Variants in LRRTM4 observed in about 807,000 individuals in gnomAD.
LRRTM4 encodes the protein leucine rich repeat transmembrane neuronal 4.
Under a neutral mutation model 47.6 loss-of-function variants are expected in LRRTM4, and 25 were observed. The observed-to-expected ratio is 0.53, with a 90% confidence interval of 0.38 to 0.73. The LOEUF (loss-of-function observed/expected upper bound fraction) is 0.73, where lower values mean the gene tolerates loss of function less well. Among genes scored for constraint, LRRTM4 ranks in the 30% least tolerant of loss-of-function variants. The probability of loss-of-function intolerance (pLI) is 0.00; values close to 1 mark genes in which losing one functional copy is unlikely to be tolerated. For synonymous variants in LRRTM4, 311 were observed against 269.5 expected (o/e 1.15, Z -1.51); for missense variants, 638 against 713.4 (o/e 0.89, Z 1.20).
chr2:77,199,232 C>G (rs368082366), intron 3 of LRRTM4, among the ~76,000 whole-genome samples: 3 of 152,184 alleles, frequency 2.0e-5, no homozygotes, highest in African/African-American at 7.2e-5. Flanking sequence ...GGAACCAACT[C>G]TTACTATGCA....
chr2:77,216,527 G>A (rs917167872), intron 3 of LRRTM4, among the ~76,000 whole-genome samples: 1 of 151,880 alleles, frequency 6.6e-6, no homozygotes, highest in African/African-American at 2.4e-5. Context: ...CCTGCTGACA[G>A]AGTGAGAATC....
chr2:76,835,610 T>C (rs951599931), intron 3 of LRRTM4, among the ~76,000 whole-genome samples: 31 of 152,080 alleles, frequency 2.0e-4, no homozygotes, highest in African/African-American at 7.0e-4. Flanking sequence ...TCAGAATTGG[T>C]CTCAAATTAT....
intron 3 of LRRTM4, among the ~76,000 whole-genome samples, chr2:77,087,123 G>C (rs1405007628): frequency 2.0e-5 from 3 of 152,182 alleles, no homozygotes; most frequent in Non-Finnish European, 4.4e-5. Context: ...CAAGAAGCTT[G>C]TTTGTTATGC....
At chr2:77,403,844 T>C (rs1329189349) in intron 3 of LRRTM4, among the ~76,000 whole-genome samples, 1 of 148,440 alleles carries the variant, frequency 6.7e-6, no homozygotes, top group Non-Finnish European at 1.5e-5. Flanking sequence ...GGCCATTATG[T>C]CTTTATTCCC....
At chr2:77,136,809 A>G (rs944218047) in intron 3 of LRRTM4, among the ~76,000 whole-genome samples, 7 of 151,968 alleles carry the variant, frequency 4.6e-5, no homozygotes, top group Non-Finnish European at 7.3e-5. Context: ...AAACAATGGC[A>G]CACGAACTAT....
At chr2:77,498,349 T>C (rs1678442485) in intron 3 of LRRTM4, among the ~76,000 whole-genome samples, 1 of 151,828 alleles carries the variant, frequency 6.6e-6, no homozygotes, top group Admixed American at 6.6e-5. Flanking sequence ...GAAGTGCCTC[T>C]GCCAGACTCC....
At chr2:77,491,709 A>AT (rs1678170192) in intron 3 of LRRTM4, among the ~76,000 whole-genome samples, 1 of 151,956 alleles carries the variant, frequency 6.6e-6, no homozygotes, top group African/African-American at 2.4e-5. Context: ...ACCAGAATAT[A>AT]TTTTTGAAGA....
In LRRTM4 at chr2:77,164,073, T is replaced by C. The variant is rs185621646; in HGVS notation, c.1551+354245A>G. ...CTGTATTCAGGAGACCCATCTCACA[T>C]GCAGAGACACACATAGGCTCAAAAT... is the stretch of plus-strand genomic sequence containing the variant. On this transcript the variant is annotated intron_variant, in intron 3 of 3. Coordinates refer to ENST00000409884, the MANE Select transcript of LRRTM4 (RefSeq NM_001134745.3). Among the ~76,000 whole-genome samples, 66 of 152,276 alleles carry C rather than the reference T, an allele frequency of 4.3e-4. 1 individual carries two copies. Among genetic ancestry groups the C allele is most frequent in the African/African-American group, 1.3e-3 (55 of 41,570 alleles).
chr2:77,050,500 G>C (rs1034774073), intron 3 of LRRTM4, among the ~76,000 whole-genome samples: 72 of 152,094 alleles, frequency 4.7e-4, no homozygotes, highest in African/African-American at 1.7e-3. Flanking sequence ...AGATCCACGT[G>C]TCAGAATACT....
chr2:77,418,696 T>C (rs1271007755), intron 3 of LRRTM4, among the ~76,000 whole-genome samples: 1 of 152,194 alleles, frequency 6.6e-6, no homozygotes, highest in African/African-American at 2.4e-5. Context: ...CCATAGCAGG[T>C]GCACTCCTGC....
At chr2:77,432,934 C>A (rs1269660667) in intron 3 of LRRTM4, among the ~76,000 whole-genome samples, 2 of 152,192 alleles carry the variant, frequency 1.3e-5, no homozygotes, top group Admixed American at 6.5e-5. Context: ...CTTTACAAGG[C>A]ATTCTCCAAA....
chr2:76,848,363 T>C (rs1338537413), intron 3 of LRRTM4, among the ~76,000 whole-genome samples: 17 of 152,094 alleles, frequency 1.1e-4, no homozygotes, highest in Non-Finnish European at 5.9e-5. Flanking sequence ...TAGTTCAACT[T>C]TGGCCTCTTC....
intron 3 of LRRTM4, among the ~76,000 whole-genome samples, chr2:77,073,409 T>C (rs1680227152): frequency 7.1e-6 from 1 of 140,178 alleles, no homozygotes; most frequent in Non-Finnish European, 1.5e-5. Context: ...TAATTATTAT[T>C]ATCTATTATA....
intron 3 of LRRTM4, among the ~76,000 whole-genome samples, chr2:77,294,920 G>T (rs148598548): frequency 6.6e-6 from 1 of 151,910 alleles, no homozygotes; most frequent in African/African-American, 2.4e-5. Context: ...CAGTATATAT[G>T]ATTTTTTCTG....
chr2:77,055,102 G>A (rs1467298641), intron 3 of LRRTM4, among the ~76,000 whole-genome samples: 1 of 152,084 alleles, frequency 6.6e-6, no homozygotes, highest in Non-Finnish European at 1.5e-5. Flanking sequence ...TACTGACTCC[G>A]CTACTTAGAG....
chr2:77,071,763 G>A (rs1489530150), intron 3 of LRRTM4, among the ~76,000 whole-genome samples: 1 of 152,170 alleles, frequency 6.6e-6, no homozygotes, highest in Admixed American at 6.6e-5. Flanking sequence ...ATGCTTCAGA[G>A]TTTTACAAGT....
chr2:76,818,380 A>G (rs1444188954), intron 3 of LRRTM4, among the ~76,000 whole-genome samples: 1 of 151,836 alleles, frequency 6.6e-6, no homozygotes, highest in East Asian at 1.9e-4. Context: ...AAAAAAAATA[A>G]TAAAGTGCAT....
intron 3 of LRRTM4, among the ~76,000 whole-genome samples, chr2:76,996,098 A>G (rs1677193985): frequency 6.6e-6 from 1 of 152,076 alleles, no homozygotes; most frequent in South Asian, 2.1e-4. Flanking sequence ...AGGTATATAT[A>G]AATCAGGAAT....
intron 3 of LRRTM4, among the ~76,000 whole-genome samples, chr2:76,808,306 G>A (rs570492359): frequency 2.4e-4 from 36 of 152,068 alleles, no homozygotes; most frequent in Non-Finnish European, 4.0e-4. Context: ...ACCGCAGCTG[G>A]CCTATTTTCA....
Sources: gnomAD v4.1 joint callset for allele counts (sites outside exome capture counted in the v4.1 genomes callset) on GRCh38, gnomAD v4.1.1 for gene constraint, MANE v1.5 for transcripts, NCBI Gene and HGNC (gene_info 2026-07-23, HGNC 2026-07-21) for gene names.